Variants in ZNF99 observed in about 807,000 individuals in gnomAD.
ZNF99 encodes the protein zinc finger protein 99.
A neutral mutation model predicts 12.8 loss-of-function variants in ZNF99; 8 were observed. The ratio of observed to expected loss-of-function variants is 0.62; its 90% CI spans 0.37 to 1.13. The LOEUF (loss-of-function observed/expected upper bound fraction) is 1.13. ZNF99 is among the 50% of genes most tolerant of loss of function. The pLI, the probability that ZNF99 is intolerant of heterozygous loss-of-function variation, is 0.02. For synonymous variants in ZNF99, 318 were observed against 319.0 expected (o/e 1.00, Z 0.03); for missense variants, 1,007 against 1,006.2 (o/e 1.00, Z -0.01).
intron 1 of ZNF99, among the ~76,000 whole-genome samples, chr19:22,773,168 G>T (rs1370042323): frequency 6.6e-6 from 1 of 152,192 alleles, no homozygotes; most frequent in Non-Finnish European, 1.5e-5. Flanking sequence ...CATGCACTTT[G>T]CAGCACAATT....
Position 22,753,958 on chromosome 19 carries a change from ATTTCT to A in ZNF99, c.*3351_*3355del. On this transcript the variant is annotated 3_prime_UTR_variant, in exon 4 of 4. Transcript: ENST00000596209. ...ACATCTAGGGCTTCTTGACACTATG[ATTTCT>A]TTTATGTTTAGAAAAGTTTAAGGTG... 2 of 449,362 alleles carry A rather than the reference ATTTCT, an allele frequency of 4.5e-6. No homozygotes were observed. Among genetic ancestry groups the A allele is most frequent in the Non-Finnish European group, 9.0e-6 (2 of 222,908 alleles). The allele number at this position is 449,362 out of a possible 1,614,324, so 27.8% of individuals were successfully genotyped here.
intron 1 of ZNF99, among the ~76,000 whole-genome samples, chr19:22,776,364 A>C (rs908321479): frequency 7.3e-6 from 1 of 137,864 alleles, no homozygotes; most frequent in Non-Finnish European, 1.6e-5. Flanking sequence ...TAAAAAAAAA[A>C]AAAAAAGTAA....
In ZNF99 at chr19:22,766,031, A is replaced by G. The variant is rs139936123; in HGVS notation, c.226+2274T>C. Among the ~76,000 whole-genome samples, 660 of 152,150 alleles carry G rather than the reference A, an allele frequency of 4.3e-3. 8 individuals are homozygous for G. Among genetic ancestry groups the G allele is most frequent in the African/African-American group, 0.015 (630 of 41,544 alleles). On this transcript the variant is annotated intron_variant, in intron 3 of 3. Coordinates refer to ENST00000596209, the MANE Select transcript of ZNF99 (RefSeq NM_001080409.3). Reference sequence around the variant, plus strand: ...TATAAATCTGCATAAATCTGAATACACAATATAAAATAATTTGTAATATTA... The same window carrying G: ...TATAAATCTGCATAAATCTGAATACGCAATATAAAATAATTTGTAATATTA...
In ZNF99 at chr19:22,759,099, T is replaced by G; in HGVS notation, c.810A>C (p.Ser270=). The part of the protein sequence containing the change: ...EECGKVFNNS[S]TLMKHKIIHT... ...GAATTATCTTATGTTTCATAAGGGT[T>G]GAGGAATTGTTAAAAACTTTGCCAC... Residue 270 remains serine, a synonymous_variant, in exon 4 of 4, where the codon TCA becomes TCC. Coordinates refer to ENST00000596209, the MANE Select transcript of ZNF99 (RefSeq NM_001080409.3). The G allele has an allele frequency of 6.2e-7, 1 of 1,610,234 alleles. No individual in the cohort carries two copies. The highest frequency in any genetic ancestry group is 8.5e-7 in the Non-Finnish European group (1 of 1,177,906).
intron 1 of ZNF99, among the ~76,000 whole-genome samples, chr19:22,782,961 C>A (rs1973406440): frequency 6.6e-6 from 1 of 152,074 alleles, no homozygotes; most frequent in Non-Finnish European, 1.5e-5. Flanking sequence ...AGCCACCGAG[C>A]CAGGCCTGAT....
rs552233190 is a variant in ZNF99, at chr19:22,754,113, T to C, written c.*3201A>G. ...GGCTCATGCTTGTAATCCCAGCACT[T>C]TGGGGCACTTTGGGAGGCCAAGGCG... On this transcript the variant is annotated 3_prime_UTR_variant, in exon 4 of 4. Transcript: ENST00000596209. 6.5e-4 allele frequency: 294 copies of C among 454,790 alleles called. 1 individual carries two copies. Among genetic ancestry groups the C allele is most frequent in the African/African-American group, 5.4e-3 (271 of 50,132 alleles). 28.2% of individuals were successfully genotyped at this position (454,790 alleles called of 1,614,324 possible). A position where few individuals can be genotyped will look rare whatever the true frequency, so the allele number is the denominator to read the frequency against.
intron 3 of ZNF99, among the ~76,000 whole-genome samples, chr19:22,762,548 T>A (rs1244393157): frequency 6.6e-6 from 1 of 152,154 alleles, no homozygotes; most frequent in Non-Finnish European, 1.5e-5. Flanking sequence ...AGCAGAATTC[T>A]ACCAGACATT....
chr19:22,760,831 A>G (rs1973142697), intron 3 of ZNF99, among the ~76,000 whole-genome samples: 1 of 151,554 alleles, frequency 6.6e-6, no homozygotes, highest in African/African-American at 2.4e-5. Context: ...ATGTAGTACC[A>G]CACACAAAAA....
chr19:22,761,660 C>T (rs1973152011), intron 3 of ZNF99, among the ~76,000 whole-genome samples: 1 of 152,164 alleles, frequency 6.6e-6, no homozygotes. Context: ...ATATACAGAA[C>T]ATTCCATCCA....
intron 1 of ZNF99, chr19:22,774,136 G>C (rs1054995879): frequency 2.0e-5 from 3 of 152,712 alleles, no homozygotes; most frequent in African/African-American, 7.2e-5. Context: ...GCAAGATTAT[G>C]CTGAGAGGAA....
chr19:22,770,705 A>C (rs1330205497), intron 1 of ZNF99: 3 of 152,216 alleles, frequency 2.0e-5, no homozygotes, highest in African/African-American at 7.2e-5. Context: ...CAGTAGGACA[A>C]ATTTTTATGA....
At chr19:22,777,212 T>A (rs1044234072) in intron 1 of ZNF99, among the ~76,000 whole-genome samples, 1 of 152,164 alleles carries the variant, frequency 6.6e-6, no homozygotes, top group Non-Finnish European at 1.5e-5. Context: ...GAATACTGCA[T>A]TGCCATAAAA....
chr19:22,760,074 G>A (rs1273808616), intron 3 of ZNF99, among the ~76,000 whole-genome samples: 2 of 152,086 alleles, frequency 1.3e-5, no homozygotes, highest in African/African-American at 4.8e-5. Flanking sequence ...GAGGCAAGTG[G>A]ATTACCTGAG....
chr19:22,761,622 T>C (rs1973151724), intron 3 of ZNF99, among the ~76,000 whole-genome samples: 1 of 152,162 alleles, frequency 6.6e-6, no homozygotes, highest in East Asian at 1.9e-4. Context: ...ATTTAAACTA[T>C]ACCTTGGAGC....
intron 1 of ZNF99, among the ~76,000 whole-genome samples, chr19:22,781,711 G>A (rs1462490607): frequency 6.6e-6 from 1 of 151,916 alleles, no homozygotes; most frequent in Non-Finnish European, 1.5e-5. Context: ...TGCCTTCTTC[G>A]TTGAAAGGCT....
chr19:22,777,860 T>C (rs142763425), intron 1 of ZNF99, among the ~76,000 whole-genome samples: 1 of 152,026 alleles, frequency 6.6e-6, no homozygotes, highest in Non-Finnish European at 1.5e-5. Context: ...GATAAGCCAG[T>C]GTCCAGTGGA....
chr19:22,780,933 A>G (rs1973380371), intron 1 of ZNF99, among the ~76,000 whole-genome samples: 1 of 152,192 alleles, frequency 6.6e-6, no homozygotes, highest in Non-Finnish European at 1.5e-5. Flanking sequence ...TGGAAGAGAG[A>G]TTTTCCCTAT....
Position 22,768,288 on chromosome 19 carries a change from T to C in ZNF99, c.226+17A>G. ...GACCTCTTATTTGTGTTGTTTCTTG[T>C]ATTCACTCTCACATACCTGGGGGTT... On this transcript the variant is annotated intron_variant, in intron 3 of 3. Coordinates refer to ENST00000596209, the MANE Select transcript of ZNF99 (RefSeq NM_001080409.3). 6.2e-7 allele frequency: 1 copy of C among 1,613,348 alleles called. No homozygotes were observed. Among genetic ancestry groups the C allele is most frequent in the South Asian group, 1.1e-5 (1 of 91,072 alleles).
intron 1 of ZNF99, among the ~76,000 whole-genome samples, chr19:22,782,354 C>CTT (rs34661397): frequency 6.7e-5 from 10 of 148,776 alleles, no homozygotes; most frequent in African/African-American, 1.5e-4. Flanking sequence ...CTGATATCTA[C>CTT]TTTTTTTTTT....
Sources: allele counts gnomAD v4.1 joint callset (sites outside exome capture counted in the v4.1 genomes callset), GRCh38; gene constraint gnomAD v4.1.1; transcripts MANE v1.5; gene names NCBI Gene and HGNC (gene_info 2026-07-23, HGNC 2026-07-21).